NELL1: variants seen among roughly 807,000 people sequenced by gnomAD.
NELL1 encodes neural EGFL like 1, also known as protein kinase C-binding protein NELL1.
Under a neutral mutation model 107.4 loss-of-function variants are expected in NELL1, and 76 were observed. The ratio of observed to expected loss-of-function variants is 0.71; its 90% CI spans 0.59 to 0.86. NELL1 has a LOEUF of 0.86. Ranked by LOEUF, NELL1 falls within the 40% of genes least tolerant of loss-of-function variation. The pLI is 0.00. For synonymous variants in NELL1, 353 were observed against 341.2 expected, an observed-to-expected ratio of 1.03 and a Z score of -0.38; for missense variants, 1,024 against 1,005.5, an observed-to-expected ratio of 1.02 and a Z score of -0.25.
intron 15 of NELL1, among the ~76,000 whole-genome samples, chr11:21,382,184 C>A (rs1417852074): frequency 6.6e-6 from 1 of 151,836 alleles, no homozygotes; most frequent in Non-Finnish European, 1.5e-5. Context: ...TTCCACTACT[C>A]ATCAGCAATG....
At chr11:20,757,108 T>C (rs1247666778) in intron 2 of NELL1, among the ~76,000 whole-genome samples, 1 of 152,000 alleles carries the variant, frequency 6.6e-6, no homozygotes, top group East Asian at 1.9e-4. Context: ...TCTCTGTAAC[T>C]CCTTTCTTTC....
intron 15 of NELL1, among the ~76,000 whole-genome samples, chr11:21,385,762 G>A (rs1171077808): frequency 6.6e-6 from 1 of 151,876 alleles, no homozygotes; most frequent in East Asian, 1.9e-4. Context: ...TCTTACAGTA[G>A]CATCAATGAC....
chr11:21,300,978 G>A (rs886633690), intron 14 of NELL1, among the ~76,000 whole-genome samples: 2 of 152,060 alleles, frequency 1.3e-5, no homozygotes, highest in Non-Finnish European at 2.9e-5. Context: ...TCCCACCTAT[G>A]AGTGAGAACA....
chr11:21,238,627 A>G (rs1258448040), intron 14 of NELL1, among the ~76,000 whole-genome samples: 1 of 152,046 alleles, frequency 6.6e-6, no homozygotes, highest in African/African-American at 2.4e-5. Flanking sequence ...GAAAATGGGA[A>G]ACAAAAAGTA....
intron 12 of NELL1, among the ~76,000 whole-genome samples, chr11:20,965,020 A>G (rs1220441674): frequency 1.3e-5 from 2 of 152,148 alleles, no homozygotes; most frequent in East Asian, 3.9e-4. Flanking sequence ...GCGTAAGCCT[A>G]CGATATGTCT....
intron 13 of NELL1, among the ~76,000 whole-genome samples, chr11:21,122,979 T>C (rs914087249): frequency 3.3e-5 from 5 of 152,186 alleles, no homozygotes; most frequent in Admixed American, 6.5e-5. Context: ...TTCAGTATGA[T>C]AGTTTTGGAA....
chr11:21,331,817 T>A (rs1850279002), intron 14 of NELL1, among the ~76,000 whole-genome samples: 1 of 152,070 alleles, frequency 6.6e-6, no homozygotes, highest in South Asian at 2.1e-4. Context: ...TTATTGCTCT[T>A]ATGGAGGTAT....
chr11:21,439,035 G>C (rs142323726), intron 15 of NELL1, among the ~76,000 whole-genome samples: 1 of 149,664 alleles, frequency 6.7e-6, no homozygotes, highest in East Asian at 2.0e-4. Context: ...GTAAAGCTTA[G>C]AGTTGAGGTA....
In NELL1 at chr11:20,996,305, A is replaced by G. The variant is rs546862503; in HGVS notation, c.1300+35745A>G. Reference sequence around the variant, plus strand: ...CAAGATAGTACTTGCATGTTCTGTCAGAGGACTGGAGTGACTGATGTAATT... The same window carrying G: ...CAAGATAGTACTTGCATGTTCTGTCGGAGGACTGGAGTGACTGATGTAATT... On this transcript the variant is annotated intron_variant, in intron 12 of 19. Coordinates refer to ENST00000357134, the MANE Select transcript of NELL1 (RefSeq NM_006157.5). Among the ~76,000 whole-genome samples the G allele has an allele frequency of 3.9e-5, 6 of 152,324 alleles. No homozygotes were observed. The South Asian group carries it at 1.0e-3, about 26-fold the overall frequency.
chr11:21,207,735 A>G (rs1195684815), intron 13 of NELL1, among the ~76,000 whole-genome samples: 1 of 152,128 alleles, frequency 6.6e-6, no homozygotes, highest in Admixed American at 6.6e-5. Context: ...TCATGGTATC[A>G]TTGTCTGTAT....
intron 12 of NELL1, among the ~76,000 whole-genome samples, chr11:20,998,431 T>G (rs1350629411): frequency 6.6e-6 from 1 of 152,214 alleles, no homozygotes; most frequent in East Asian, 1.9e-4. Flanking sequence ...AAGTTTCTTT[T>G]GCTAAGATAT....
At chr11:20,714,965 C>T (rs530594853) in intron 2 of NELL1, among the ~76,000 whole-genome samples, 43 of 152,132 alleles carry the variant, frequency 2.8e-4, no homozygotes, top group Admixed American at 4.6e-4. Context: ...AATTATAGGA[C>T]GGGAGCGGTG....
chr11:21,032,379 TTTG>T (rs1170128055), intron 12 of NELL1, among the ~76,000 whole-genome samples: 2 of 152,184 alleles, frequency 1.3e-5, no homozygotes, highest in African/African-American at 2.4e-5. Context: ...ATGTAGAATT[TTTG>T]TTGTTGTTTT....
chr11:21,012,392 G>T (rs1852466916), intron 12 of NELL1, among the ~76,000 whole-genome samples: 1 of 152,014 alleles, frequency 6.6e-6, no homozygotes, highest in Non-Finnish European at 1.5e-5. Context: ...TAGGGCCATT[G>T]TCTTGAAATT....
At chr11:20,881,698 G>C (rs1478398438) in intron 4 of NELL1, among the ~76,000 whole-genome samples, 1 of 152,128 alleles carries the variant, frequency 6.6e-6, no homozygotes, top group Admixed American at 6.5e-5. Context: ...GACTATGGCA[G>C]GCAGAATTCT....
At chr11:21,115,980 C>T (rs1402588498) in intron 13 of NELL1, among the ~76,000 whole-genome samples, 3 of 151,756 alleles carry the variant, frequency 2.0e-5, no homozygotes, top group Non-Finnish European at 2.9e-5. Flanking sequence ...CCCTATTTTT[C>T]TGCTTTTCCT....
In NELL1 at chr11:20,970,862, T is replaced by C. The variant is rs181171037; in HGVS notation, c.1300+10302T>C. 4.4e-3 allele frequency among the ~76,000 whole-genome samples: 676 copies of C among 152,124 alleles called. 4 individuals are homozygous for C. The highest frequency in any genetic ancestry group is 6.9e-3 in the Non-Finnish European group (470 of 67,988). ...CACAGTGGGTGCAAAACTGGATCCA[T>C]TGGGTTATGGAAAAAAAAATTAGAA... On this transcript the variant is annotated intron_variant, in intron 12 of 19. Transcript: ENST00000357134.
At chr11:21,239,757 T>C (rs1348263603) in intron 14 of NELL1, among the ~76,000 whole-genome samples, 1 of 152,072 alleles carries the variant, frequency 6.6e-6, no homozygotes, top group African/African-American at 2.4e-5. Flanking sequence ...CATCTATCTT[T>C]GTTCTCTTGA....
intron 13 of NELL1, among the ~76,000 whole-genome samples, chr11:21,124,374 A>C (rs1306934576): frequency 6.6e-6 from 1 of 152,222 alleles, no homozygotes; most frequent in Non-Finnish European, 1.5e-5. Context: ...AGTGATTAAA[A>C]GCAATGGCTT....
Sources: gnomAD v4.1 joint callset for allele counts (sites outside exome capture counted in the v4.1 genomes callset) on GRCh38, gnomAD v4.1.1 for gene constraint, MANE v1.5 for transcripts, NCBI Gene and HGNC (gene_info 2026-07-23, HGNC 2026-07-21) for gene names.